USP30: variants seen among roughly 807,000 people sequenced by gnomAD.
The protein encoded by USP30 is ubiquitin specific peptidase 30, also known as ubiquitin carboxyl-terminal hydrolase 30.
USP30 carries 41 observed loss-of-function variants against 68.2 expected under a neutral mutation model. That is an observed-to-expected ratio of 0.60 (90% CI 0.47 to 0.78). The LOEUF (loss-of-function observed/expected upper bound fraction) is 0.78, where lower values mean the gene tolerates loss of function less well. Ranked by LOEUF, USP30 falls within the 30% of genes least tolerant of loss-of-function variation. The pLI is 0.00. For missense variants in USP30, 522 were observed against 649.4 expected, an observed-to-expected ratio of 0.80 and a Z score of 2.13; for synonymous variants, 229 against 253.7, an observed-to-expected ratio of 0.90 and a Z score of 0.93.
chr12:109,067,585 C>G lies in USP30; in HGVS notation c.438C>G (p.Val146=), dbSNP rs1308283262. 6.2e-7 allele frequency: 1 copy of G among 1,614,032 alleles called. No individual in the cohort carries two copies. The highest frequency in any genetic ancestry group is 1.3e-5 in the African/African-American group (1 of 74,914). The change falls in exon 4 of 13, where the codon GTC becomes GTG. Residue 146 remains valine, a synonymous_variant. Coordinates refer to ENST00000257548, the MANE Select transcript of USP30 (RefSeq NM_032663.5). The stretch of plus-strand genomic sequence containing the variant: ...TAGATGCAAGCTGCTTGTTGGATGT[C>G]TTAAGAATGTACAGATGGCAGATCT... The part of the protein sequence containing the change: ...EVLDASCLLD[V]LRMYRWQISS...
At position 109,058,088 on chromosome 12, in the gene USP30, C is replaced by T; in HGVS notation, c.356C>T (p.Thr119Ile). The T allele has an allele frequency of 6.2e-7, 1 of 1,608,260 alleles. No homozygotes were observed. Among genetic ancestry groups the T allele is most frequent in the Non-Finnish European group, 8.5e-7 (1 of 1,178,034 alleles). Residue 119 changes from threonine to isoleucine, a missense_variant, in exon 3 of 13, where the codon ACA (threonine) becomes ATA (isoleucine). Coordinates refer to ENST00000257548, the MANE Select transcript of USP30 (RefSeq NM_032663.5). ...CCCTCACACCAGTATTTATCCTTAA[C>T]ACTCTTGCACCTTCTGAAAGGTATC... The part of the protein sequence containing the change: ...EPPSHQYLSL[T>I]LLHLLKALSC...
intron 3 of USP30, among the ~76,000 whole-genome samples, chr12:109,029,021 C>T (rs537599270): frequency 6.6e-6 from 1 of 152,222 alleles, no homozygotes; most frequent in South Asian, 2.1e-4. Context: ...GTGGTCCTTA[C>T]CCAATTACAG....
At chr12:109,031,910 C>A (rs534234935) in intron 3 of USP30, among the ~76,000 whole-genome samples, 1 of 151,922 alleles carries the variant, frequency 6.6e-6, no homozygotes, top group East Asian at 1.9e-4. Flanking sequence ...TCGAGACCAG[C>A]CCTGACAACA....
At position 109,023,413 on chromosome 12, in the gene USP30, G is replaced by A. The variant is rs188861812; in HGVS notation, c.-498+246G>A. Among the ~76,000 whole-genome samples the A allele has an allele frequency of 3.9e-5, 6 of 152,146 alleles. No homozygotes were observed. In the East Asian group the frequency reaches 1.2e-3, roughly 30 times the overall value. The stretch of plus-strand genomic sequence containing the variant: ...ACTTGAAAATAAAAAAACTTAGCCA[G>A]GTGTGGTGGCACAGACCTGTAGTCC... On this transcript the variant is annotated intron_variant, in intron 1 of 15. Coordinates refer to the USP30 transcript ENST00000392784.
Position 109,072,299 on chromosome 12 carries a change from C to A in USP30, c.580-6C>A. On this transcript the variant is annotated splice_polypyrimidine_tract_variant and splice_region_variant and intron_variant, in intron 5 of 12. Coordinates refer to ENST00000257548, the MANE Select transcript of USP30 (RefSeq NM_032663.5). ...TCAGTCTGTTTTTTTTTTTTCTCCCCTACAGCAGCAGTCAGAAATAACTCC... is the reference window on the plus strand; with the variant it reads ...TCAGTCTGTTTTTTTTTTTTCTCCCATACAGCAGCAGTCAGAAATAACTCC... The A allele has an allele frequency of 6.2e-7, 1 of 1,613,002 alleles. No individual in the cohort carries two copies. Among genetic ancestry groups the A allele is most frequent in the African/African-American group, 1.3e-5 (1 of 74,854 alleles).
intron 3 of USP30, among the ~76,000 whole-genome samples, chr12:109,045,806 C>G (rs1383898566): frequency 2.6e-5 from 4 of 152,056 alleles, no homozygotes; most frequent in Admixed American, 2.0e-4. Flanking sequence ...GAAACAGAAT[C>G]AATAGAACGC....
intron 3 of USP30, among the ~76,000 whole-genome samples, chr12:109,045,363 C>T (rs185526838): frequency 2.1e-3 from 324 of 152,334 alleles, no homozygotes; most frequent in Admixed American, 4.2e-3. Context: ...AATGAGATCC[C>T]AGCTAAAATC....
At chr12:109,025,441 C>CA (rs1213706161) in intron 2 of USP30, among the ~76,000 whole-genome samples, 1 of 152,038 alleles carries the variant, frequency 6.6e-6, no homozygotes, top group Admixed American at 6.6e-5. Context: ...TCTTCACCCC[C>CA]CAGCCCCCAA....
Position 109,082,017 on chromosome 12 carries a change from A to G in USP30, c.865A>G (p.Lys289Glu), listed in dbSNP as rs1022346925. Residue 289 changes from lysine (K) to glutamate (E), a missense_variant and splice_region_variant, in exon 9 of 13, where the codon AAG (lysine) becomes GAG (glutamate). Transcript: ENST00000257548. ...VRDVVCDNCT[K>E]IEAKGTLNGE... ...GGATGTTGTGTGTGACAACTGTACA[A>G]AGGTATGCATTGAACCCCAAATGTC... 6.2e-7 allele frequency: 1 copy of G among 1,614,152 alleles called. No individual in the cohort carries two copies. The highest frequency in any genetic ancestry group is 8.5e-7 in the Non-Finnish European group (1 of 1,180,020).
intron 3 of USP30, among the ~76,000 whole-genome samples, chr12:109,062,619 C>T (rs1339061757): frequency 1.3e-5 from 2 of 152,278 alleles, no homozygotes; most frequent in Non-Finnish European, 2.9e-5. Flanking sequence ...TGAGCCACCG[C>T]GCCCAGCCTT....
chr12:109,085,626 G>T (rs1393014217), intron 12 of USP30, 41 bp from the exon 13 acceptor site: 1 of 1,597,808 alleles, frequency 6.3e-7, no homozygotes, highest in South Asian at 1.1e-5. Flanking sequence ...AAGTCTTTTT[G>T]TTAAAATTGT....
At chr12:109,050,563 C>A (rs541252058), upstream of USP30, among the ~76,000 whole-genome samples, 2 of 152,026 alleles carry the variant, frequency 1.3e-5, no homozygotes, top group East Asian at 3.8e-4. Flanking sequence ...AGTCTGGAGT[C>A]GGAGAAAGCG....
chr12:109,074,359 A>G (rs1324663524), intron 7 of USP30, among the ~76,000 whole-genome samples: 1 of 152,176 alleles, frequency 6.6e-6, no homozygotes, highest in Non-Finnish European at 1.5e-5. Flanking sequence ...TTGTGTGGAC[A>G]TATATTTTCA....
At chr12:109,067,422 T>C (rs2041292864) in intron 3 of USP30, 102 bp from the exon 4 acceptor site, 1 of 1,058,040 alleles carries the variant, frequency 9.5e-7, no homozygotes. Context: ...CAGCCTGCGG[T>C]CTTTAATTTT....
intron 3 of USP30, among the ~76,000 whole-genome samples, chr12:109,031,600 T>C (rs530573381): frequency 7.2e-5 from 11 of 152,310 alleles, no homozygotes; most frequent in Non-Finnish European, 1.3e-4. Flanking sequence ...AAGCAACCCA[T>C]GTGTCCATCA....
rs200167889 is a variant in USP30, at chr12:109,056,769, A to G, written c.171A>G (p.Thr57=). The G allele has an allele frequency of 5.0e-5, 80 of 1,611,350 alleles. No homozygotes were observed. The Admixed American group carries it at 5.5e-4, about 11-fold the overall frequency. The change falls in exon 2 of 13, where the codon ACA becomes ACG. Residue 57 remains threonine, a synonymous_variant. Coordinates refer to ENST00000257548, the MANE Select transcript of USP30 (RefSeq NM_032663.5). ...TATATGTTATTTGGGGTCCCATTAC[A>G]GAAAGAAAGAAGCGTAGAAAAGGTA... is the stretch of plus-strand genomic sequence containing the variant. ...AGIYVIWGPI[T]ERKKRRKGLV...
At chr12:109,081,704 A>C (rs975347936) in intron 8 of USP30, 22 of 607,268 alleles carry the variant, frequency 3.6e-5, no homozygotes, top group Non-Finnish European at 5.8e-6. Flanking sequence ...AACAGCGTGG[A>C]AGTCCACAAG....
upstream of USP30, chr12:109,052,495 G>A (rs192627640): frequency 4.5e-3 from 2,134 of 475,824 alleles, 8 homozygotes; most frequent in Middle Eastern, 0.017. Flanking sequence ...TGGTCCGTCA[G>A]CTATTGCTCT....
chr12:109,033,626 GA>G (rs1168731249), intron 3 of USP30, among the ~76,000 whole-genome samples: 2 of 151,830 alleles, frequency 1.3e-5, no homozygotes, highest in Non-Finnish European at 2.9e-5. Flanking sequence ...ATGATTTAAA[GA>G]AAAAAAAGTG....
Sources: allele counts gnomAD v4.1 joint callset (sites outside exome capture counted in the v4.1 genomes callset), GRCh38; gene constraint gnomAD v4.1.1; transcripts MANE v1.5; gene names NCBI Gene and HGNC (gene_info 2026-07-23, HGNC 2026-07-21).